The following KCNIP4 variants were observed in gnomAD, a reference collection of about 807,000 sequenced individuals.
KCNIP4 encodes the protein potassium voltage-gated channel interacting protein 4.
Under a neutral mutation model 34.0 loss-of-function variants are expected in KCNIP4, and 12 were observed. That is an observed-to-expected ratio of 0.35 (90% CI 0.23 to 0.57). KCNIP4 has a LOEUF of 0.57. Among genes scored for constraint, KCNIP4 ranks in the 20% least tolerant of loss-of-function variants. The probability of loss-of-function intolerance (pLI) is 0.83; values close to 1 mark genes in which losing one functional copy is unlikely to be tolerated. For missense variants in KCNIP4, 238 were observed against 311.7 expected, an observed-to-expected ratio of 0.76 and a Z score of 1.78; for synonymous variants, 124 against 102.2, an observed-to-expected ratio of 1.21 and a Z score of -1.29.
intron 1 of KCNIP4, among the ~76,000 whole-genome samples, chr4:21,552,142 G>A (rs1738640282): frequency 1.3e-5 from 2 of 151,670 alleles, no homozygotes; most frequent in African/African-American, 2.4e-5. Flanking sequence ...GTGCAGTAAA[G>A]TTTTATTAAT....
intron 1 of KCNIP4, among the ~76,000 whole-genome samples, chr4:21,150,221 C>T (rs1752659718): frequency 6.6e-6 from 1 of 152,144 alleles, no homozygotes; most frequent in African/African-American, 2.4e-5. Flanking sequence ...TTCCAGCAAA[C>T]ACATAGGGTA....
chr4:21,394,588 A>G (rs1304253641), intron 1 of KCNIP4, among the ~76,000 whole-genome samples: 1 of 152,098 alleles, frequency 6.6e-6, no homozygotes, highest in Non-Finnish European at 1.5e-5. Context: ...TCCCCATGCT[A>G]CTTTTAAAAA....
At chr4:21,616,322 C>G (rs1172946831) in intron 1 of KCNIP4, among the ~76,000 whole-genome samples, 3 of 152,104 alleles carry the variant, frequency 2.0e-5, no homozygotes, top group Admixed American at 2.0e-4. Flanking sequence ...TCCCCTCCCA[C>G]CCACCTCTTC....
intron 4 of KCNIP4, among the ~76,000 whole-genome samples, chr4:20,756,677 C>T (rs1754492845): frequency 1.3e-5 from 2 of 152,002 alleles, no homozygotes; most frequent in Non-Finnish European, 2.9e-5. Flanking sequence ...ATCCAGGGCA[C>T]TTGGGCTGTC....
At chr4:21,714,791 T>TTCATTTTATCTATTTTA (rs1274058465) in intron 1 of KCNIP4, among the ~76,000 whole-genome samples, 1 of 952 alleles carries the variant, frequency 1.1e-3, no homozygotes, top group African/African-American at 8.9e-3. Context: ...CTTTGATTAT[T>TTCATTTTATCTATTTTA]TTATTTTATT....
intron 1 of KCNIP4, among the ~76,000 whole-genome samples, chr4:21,714,895 T>C (rs1714126634): frequency 4.4e-3 from 1 of 228 alleles, no homozygotes; most frequent in African/African-American, 0.1. Flanking sequence ...TTTTATTTTA[T>C]TTTATTTTAT....
At chr4:21,908,061 A>G (rs1365223620) in intron 1 of KCNIP4, among the ~76,000 whole-genome samples, 1 of 152,128 alleles carries the variant, frequency 6.6e-6, no homozygotes, top group Non-Finnish European at 1.5e-5. Context: ...TCCTGCTCCA[A>G]AAGTCTCTGC....
chr4:20,799,520 C>T (rs758816106), intron 3 of KCNIP4, among the ~76,000 whole-genome samples: 12 of 152,306 alleles, frequency 7.9e-5, no homozygotes, highest in Non-Finnish European at 1.3e-4. Flanking sequence ...TCCTGCATAC[C>T]TGTAACTGGA....
At chr4:21,645,498 G>C (rs749682524) in intron 1 of KCNIP4, among the ~76,000 whole-genome samples, 1 of 152,110 alleles carries the variant, frequency 6.6e-6, no homozygotes, top group Non-Finnish European at 1.5e-5. Context: ...AAATACTAGT[G>C]CACTTTATTC....
chr4:21,677,115 T>C (rs762356044), intron 1 of KCNIP4, among the ~76,000 whole-genome samples: 1 of 152,140 alleles, frequency 6.6e-6, no homozygotes, highest in Admixed American at 6.5e-5. Flanking sequence ...GTTAGACATT[T>C]TGGCTTTTAC....
chr4:20,940,778 A>C (rs1301421507), intron 1 of KCNIP4, among the ~76,000 whole-genome samples: 1 of 152,196 alleles, frequency 6.6e-6, no homozygotes, highest in Admixed American at 6.5e-5. Flanking sequence ...TCAGTCTTTG[A>C]ACTACCTTTG....
intron 1 of KCNIP4, among the ~76,000 whole-genome samples, chr4:20,975,771 T>C (rs2149683843): frequency 6.6e-6 from 1 of 152,308 alleles, no homozygotes; most frequent in African/African-American, 2.4e-5. Flanking sequence ...AATACAGTGG[T>C]AGGCCAAATC....
intron 3 of KCNIP4, among the ~76,000 whole-genome samples, chr4:20,832,840 G>A (rs1718586761): frequency 6.6e-6 from 1 of 151,128 alleles, no homozygotes; most frequent in Admixed American, 6.6e-5. Flanking sequence ...GGGATTTTAA[G>A]GAAGACAACA....
At chr4:21,384,980 T>A (rs927554539) in intron 1 of KCNIP4, among the ~76,000 whole-genome samples, 3 of 152,168 alleles carry the variant, frequency 2.0e-5, no homozygotes, top group Non-Finnish European at 4.4e-5. Context: ...TTTCTGCAGA[T>A]TGCCTCCCTT....
intron 1 of KCNIP4, among the ~76,000 whole-genome samples, chr4:21,345,216 C>A (rs941690403): frequency 2.6e-5 from 4 of 152,112 alleles, no homozygotes; most frequent in Non-Finnish European, 4.4e-5. Flanking sequence ...CATGAGGATA[C>A]TCCAGCAGCT....
rs142986365 is a variant in KCNIP4, at chr4:20,778,975, C to G, written c.289-20085G>C. Among the ~76,000 whole-genome samples the G allele has an allele frequency of 5.7e-3, 872 of 151,738 alleles. 31 individuals are homozygous for G. Among genetic ancestry groups the G allele is most frequent in the Admixed American group, 0.051 (783 of 15,236 alleles). On this transcript the variant is annotated intron_variant, in intron 3 of 8. Transcript: ENST00000382152. ...AGCATTACAATATGTAAGGAGGCAGCTAGGAAAAGAGGAAGAGACAGGGAG... is the reference window on the plus strand; with the variant it reads ...AGCATTACAATATGTAAGGAGGCAGGTAGGAAAAGAGGAAGAGACAGGGAG...
intron 1 of KCNIP4, 25 bp downstream of exon 1, chr4:21,948,546 C>G (rs1309368618): frequency 4.4e-6 from 7 of 1,607,376 alleles, no homozygotes; most frequent in Middle Eastern, 1.7e-4. Flanking sequence ...AGCGGGCGCC[C>G]GCTCGCAAGC....
At chr4:20,762,271 C>A (rs1158960481) in intron 3 of KCNIP4, among the ~76,000 whole-genome samples, 1 of 152,164 alleles carries the variant, frequency 6.6e-6, no homozygotes, top group East Asian at 1.9e-4. Context: ...TTCATGAAGT[C>A]TCTGTCCACC....
In KCNIP4 at chr4:21,359,897, T is replaced by C. The variant is rs192191291; in HGVS notation, c.62-477188A>G. 3.9e-3 allele frequency among the ~76,000 whole-genome samples: 598 copies of C among 152,230 alleles called. 18 individuals are homozygous for C. Among genetic ancestry groups the C allele is most frequent in the Admixed American group, 0.035 (535 of 15,268 alleles). ...ATTCATATAAGATGAAGAAATATAATGTAGAAAATTGGTCACTGAATTACC... is the reference window on the plus strand; with the variant it reads ...ATTCATATAAGATGAAGAAATATAACGTAGAAAATTGGTCACTGAATTACC... On this transcript the variant is annotated intron_variant, in intron 1 of 8. Coordinates refer to ENST00000382152, the MANE Select transcript of KCNIP4 (RefSeq NM_025221.6).
Sources: allele counts gnomAD v4.1 joint callset (sites outside exome capture counted in the v4.1 genomes callset), GRCh38; gene constraint gnomAD v4.1.1; transcripts MANE v1.5; gene names NCBI Gene and HGNC (gene_info 2026-07-23, HGNC 2026-07-21).